The following PIWIL2 variants were observed in gnomAD, a reference collection of about 807,000 sequenced individuals.
The protein encoded by PIWIL2 is piwi like RNA-mediated gene silencing 2.
Under a neutral mutation model 116.5 loss-of-function variants are expected in PIWIL2, and 81 were observed. The observed-to-expected ratio is 0.70, with a 90% CI of 0.58 to 0.84. PIWIL2 has a LOEUF of 0.84. Among genes scored for constraint, PIWIL2 ranks in the 40% least tolerant of loss-of-function variants. The pLI is 0.00. For missense variants in PIWIL2, 1,272 were observed against 1,212.3 expected, an observed-to-expected ratio of 1.05 and a Z score of -0.73; for synonymous variants, 489 against 429.5, an observed-to-expected ratio of 1.14 and a Z score of -1.71.
At chr8:22,341,186 G>T (rs1284288166) in intron 20 of PIWIL2, among the ~76,000 whole-genome samples, 3 of 151,928 alleles carry the variant, frequency 2.0e-5, no homozygotes, top group African/African-American at 7.3e-5. Flanking sequence ...TGCAAGGCTG[G>T]TTCAACAGTC....
chr8:22,291,813 C>T (rs1830774234), intron 10 of PIWIL2, among the ~76,000 whole-genome samples: 2 of 152,238 alleles, frequency 1.3e-5, no homozygotes, highest in African/African-American at 4.8e-5. Flanking sequence ...TCCCTCCCCT[C>T]ACAGAGCCTC....
At chr8:22,334,210 G>A (rs1187094050) in intron 20 of PIWIL2, among the ~76,000 whole-genome samples, 1 of 151,702 alleles carries the variant, frequency 6.6e-6, no homozygotes, top group Non-Finnish European at 1.5e-5. Context: ...CCTGACCTTA[G>A]GTGATCCACC....
At chr8:22,341,371 G>T (rs933192505) in intron 20 of PIWIL2, among the ~76,000 whole-genome samples, 1 of 151,766 alleles carries the variant, frequency 6.6e-6, no homozygotes, top group Admixed American at 6.6e-5. Flanking sequence ...TGAGGTGGGC[G>T]GATCACCTGA....
At chr8:22,283,280 G>T (rs763243615) in intron 5 of PIWIL2, 40 bp downstream of exon 5, 1 of 1,497,416 alleles carries the variant, frequency 6.7e-7, no homozygotes, top group Non-Finnish European at 9.3e-7. Context: ...AGTAATGATC[G>T]TGAAAACTCT....
intron 17 of PIWIL2, 25 bp downstream of exon 17, chr8:22,314,454 C>G: frequency 7.7e-7 from 1 of 1,291,484 alleles, no homozygotes; most frequent in South Asian, 1.4e-5. Flanking sequence ...GGGCAGGAGG[C>G]GCAGATGGCA....
chr8:22,289,919 G>A lies in PIWIL2; in HGVS notation c.1059G>A (p.Gln353=), dbSNP rs1830720443. 1 of 1,604,974 alleles carries A rather than the reference G, an allele frequency of 6.2e-7. No homozygotes were observed. Among genetic ancestry groups the A allele is most frequent in the Non-Finnish European group, 8.5e-7 (1 of 1,171,858 alleles). The change falls in exon 9 of 23, where the codon CAG becomes CAA. Residue 353 remains glutamine (Q), a synonymous_variant. Transcript: ENST00000356766. ...FYDPTSAMVL[Q]QHRLQIWPGY... ...ACCCTACAAGTGCTATGGTACTACA[G>A]CAACACAGGTTGGTACTTTTTTCCC... is the stretch of plus-strand genomic sequence containing the variant.
intron 4 of PIWIL2, among the ~76,000 whole-genome samples, chr8:22,282,642 G>A (rs183821391): frequency 6.6e-6 from 1 of 151,976 alleles, no homozygotes; most frequent in Admixed American, 6.6e-5. Context: ...CCAGGCTTTA[G>A]TGCAGTGGTG....
chr8:22,333,874 A>G (rs1831918806), intron 20 of PIWIL2, among the ~76,000 whole-genome samples: 2 of 152,090 alleles, frequency 1.3e-5, no homozygotes, highest in African/African-American at 4.8e-5. Context: ...TATGAATTAT[A>G]GCTCAGATTC....
intron 10 of PIWIL2, among the ~76,000 whole-genome samples, chr8:22,297,858 G>A (rs1002246044): frequency 2.0e-5 from 3 of 152,104 alleles, no homozygotes; most frequent in African/African-American, 7.2e-5. Context: ...AGCCTTATCT[G>A]GCTTCTAAAG....
intron 20 of PIWIL2, among the ~76,000 whole-genome samples, chr8:22,339,499 T>C (rs1324792550): frequency 6.9e-6 from 1 of 144,852 alleles, no homozygotes; most frequent in Non-Finnish European, 1.5e-5. Context: ...AGAGTGAGAC[T>C]CCATCTCAAA....
intron 20 of PIWIL2, among the ~76,000 whole-genome samples, chr8:22,348,970 AGT>A (rs1410158969): frequency 6.6e-6 from 1 of 151,976 alleles, no homozygotes; most frequent in East Asian, 1.9e-4. Flanking sequence ...CCTTGAACTC[AGT>A]GGTTAGTTGG....
chr8:22,330,495 G>A (rs1055947227), intron 20 of PIWIL2, among the ~76,000 whole-genome samples: 3 of 151,542 alleles, frequency 2.0e-5, no homozygotes, highest in South Asian at 2.1e-4. Context: ...TCAGGGGTTC[G>A]AGACCAGCCT....
rs1306694253 is a variant in PIWIL2, at chr8:22,351,436, C to CATATAT, written c.2404-1520_2404-1519insTATATA. The stretch of plus-strand genomic sequence containing the variant: ...AGTAACCTGTAAGGAACAGTGCATA[C>CATATAT]ATACATATATATATATATATATATA... On this transcript the variant is annotated intron_variant, in intron 20 of 22. Coordinates refer to ENST00000356766, the MANE Select transcript of PIWIL2 (RefSeq NM_018068.5). 6.6e-3 allele frequency among the ~76,000 whole-genome samples: 303 copies of CATATAT among 45,922 alleles called. 2 individuals carry two copies. Among genetic ancestry groups the CATATAT allele is most frequent in the Middle Eastern group, 0.019 (1 of 52 alleles). The allele number at this position is 45,922 out of a possible 152,430, so 30.1% of individuals were successfully genotyped here.
chr8:22,324,147 A>G (rs1239299440), intron 20 of PIWIL2, among the ~76,000 whole-genome samples: 1 of 152,184 alleles, frequency 6.6e-6, no homozygotes, highest in East Asian at 1.9e-4. Flanking sequence ...CTGTAATCTC[A>G]GCTACTTGGG....
intron 20 of PIWIL2, chr8:22,322,026 T>A: frequency 1.0e-6 from 1 of 979,584 alleles, no homozygotes. Context: ...TTTTGGTTTT[T>A]TTTTTTGTAA....
At chr8:22,313,709 C>G (rs1586569381) in intron 16 of PIWIL2, among the ~76,000 whole-genome samples, 1 of 152,324 alleles carries the variant, frequency 6.6e-6, no homozygotes, top group East Asian at 1.9e-4. Context: ...TTTCTTTATT[C>G]AGGCTTTGAA....
chr8:22,337,119 C>A (rs1831997758), intron 20 of PIWIL2, among the ~76,000 whole-genome samples: 1 of 152,118 alleles, frequency 6.6e-6, no homozygotes, highest in Non-Finnish European at 1.5e-5. Flanking sequence ...ATAGGAGGAA[C>A]ACTTCCCTCC....
Position 22,283,448 on chromosome 8 carries a change from G to A in PIWIL2, c.632+208G>A, listed in dbSNP as rs181816579. Among the ~76,000 whole-genome samples the A allele has an allele frequency of 8.5e-5, 13 of 152,244 alleles. No homozygotes were observed. In the East Asian group the frequency reaches 1.9e-3, roughly 23 times the overall value. ...TTTTGAGACGGAGTCTCACTCTGTC[G>A]CCCAGGCTGCAGTGCAGTGGTGCAA... On this transcript the variant is annotated intron_variant, in intron 5 of 22. Transcript: ENST00000356766.
rs544914579 is a variant in PIWIL2, at chr8:22,299,541, C to A, written c.1182-4480C>A. On this transcript the variant is annotated intron_variant, in intron 10 of 22. Coordinates refer to ENST00000356766, the MANE Select transcript of PIWIL2 (RefSeq NM_018068.5). ...TTTTTCTTACAAATTTGAAATACCA[C>A]CTTATTCTACACTCAGTATTAATCT... 3.9e-5 allele frequency among the ~76,000 whole-genome samples: 6 copies of A among 152,230 alleles called. No individual in the cohort carries two copies. In the South Asian group the frequency reaches 6.2e-4, roughly 16 times the overall value.
Sources: gnomAD v4.1 joint callset for allele counts (sites outside exome capture counted in the v4.1 genomes callset) on GRCh38, gnomAD v4.1.1 for gene constraint, MANE v1.5 for transcripts, NCBI Gene and HGNC (gene_info 2026-07-23, HGNC 2026-07-21) for gene names.